Variants in TCF12 observed in about 807,000 individuals in gnomAD.
The protein encoded by TCF12 is DNA-binding protein HTF4.
A neutral mutation model predicts 86.0 loss-of-function variants in TCF12; 45 were observed. The observed-to-expected ratio is 0.52, with a 90% CI of 0.41 to 0.67. TCF12 has a LOEUF of 0.67. TCF12 is among the 30% of genes least tolerant of loss of function. The probability of loss-of-function intolerance (pLI) is 0.00; values close to 1 mark genes in which losing one functional copy is unlikely to be tolerated. For missense variants in TCF12, 881 were observed against 859.9 expected (o/e 1.02, Z -0.31); for synonymous variants, 330 against 299.6 (o/e 1.10, Z -1.05).
chr15:57,264,349 C>G (rs1380345948), intron 18 of TCF12, among the ~76,000 whole-genome samples: 3 of 150,668 alleles, frequency 2.0e-5, no homozygotes, highest in Non-Finnish European at 4.4e-5. Context: ...TACAGGCACC[C>G]CCCACCACTC....
intron 4 of TCF12, among the ~76,000 whole-genome samples, chr15:57,068,416 A>C (rs1425097788): frequency 2.6e-5 from 4 of 152,184 alleles, no homozygotes; most frequent in African/African-American, 9.6e-5. Context: ...AATAAATGAG[A>C]ATTATTTGCC....
At chr15:57,113,939 G>T (rs2050670814) in intron 5 of TCF12, among the ~76,000 whole-genome samples, 1 of 152,158 alleles carries the variant, frequency 6.6e-6, no homozygotes, top group South Asian at 2.1e-4. Flanking sequence ...CTGGGTGACA[G>T]AGTGAGACCC....
chr15:57,236,556 T>C (rs1164096985), intron 12 of TCF12, among the ~76,000 whole-genome samples: 2 of 152,192 alleles, frequency 1.3e-5, no homozygotes, highest in Non-Finnish European at 1.5e-5. Context: ...AAAAATTAAT[T>C]CTATTTCCCC....
chr15:57,071,252 G>GAAA (rs200706690), intron 4 of TCF12, among the ~76,000 whole-genome samples: 1 of 133,626 alleles, frequency 7.5e-6, no homozygotes. Context: ...ACAAAAAATA[G>GAAA]AAAAAAAAAA....
intron 5 of TCF12, among the ~76,000 whole-genome samples, chr15:57,131,903 G>A (rs1161129908): frequency 1.3e-5 from 2 of 152,130 alleles, no homozygotes; most frequent in Non-Finnish European, 2.9e-5. Flanking sequence ...TCTAAGATTT[G>A]GAAAAGAAGT....
intron 3 of TCF12, among the ~76,000 whole-genome samples, chr15:56,984,795 A>G (rs2063102208): frequency 6.6e-6 from 1 of 152,202 alleles, no homozygotes; most frequent in Admixed American, 6.5e-5. Flanking sequence ...TAAATTGGAG[A>G]AAGGCCAGAC....
chr15:57,233,505 A>G (rs1364146486), intron 11 of TCF12, among the ~76,000 whole-genome samples: 2 of 151,530 alleles, frequency 1.3e-5, no homozygotes, highest in Non-Finnish European at 2.9e-5. Context: ...TCATTTATGT[A>G]TTTATTTTTG....
At chr15:57,150,296 C>T (rs1484078851) in intron 5 of TCF12, among the ~76,000 whole-genome samples, 1 of 152,146 alleles carries the variant, frequency 6.6e-6, no homozygotes, top group Admixed American at 6.5e-5. Context: ...GAGGAAACAA[C>T]TTGAGACCAG....
rs535220167 is a variant in TCF12 at position 57,227,724 on chromosome 15, G to A, written c.580-3428G>A. Among the ~76,000 whole-genome samples the A allele has an allele frequency of 7.9e-5, 12 of 152,178 alleles. No homozygotes were observed. In the South Asian group the frequency reaches 2.3e-3, roughly 29 times the overall value. ...AAAATTTTTCTTAACACCATTCTTAGAGGGGAAAGTATAAGTGCTTGGGAA... is the reference window on the plus strand; with the variant it reads ...AAAATTTTTCTTAACACCATTCTTAAAGGGGAAAGTATAAGTGCTTGGGAA... On this transcript the variant is annotated intron_variant, in intron 8 of 20. Transcript: ENST00000333725.
chr15:57,033,693 A>G (rs1160731058), intron 3 of TCF12, among the ~76,000 whole-genome samples: 2 of 152,180 alleles, frequency 1.3e-5, no homozygotes, highest in Admixed American at 6.5e-5. Flanking sequence ...TTTTCTACGT[A>G]TAGAATTTTA....
At chr15:57,244,369 A>G (rs1162739607) in intron 13 of TCF12, among the ~76,000 whole-genome samples, 1 of 152,132 alleles carries the variant, frequency 6.6e-6, no homozygotes, top group Admixed American at 6.6e-5. Flanking sequence ...ATAGATAAAA[A>G]AATTCTTGGG....
At chr15:57,275,243 C>T (rs1347369077) in intron 19 of TCF12, among the ~76,000 whole-genome samples, 2 of 150,178 alleles carry the variant, frequency 1.3e-5, no homozygotes, top group Non-Finnish European at 3.0e-5. Context: ...TTCAGAAAAG[C>T]CTACTTCTCC....
chr15:57,169,184 T>G (rs1343544772), intron 6 of TCF12, among the ~76,000 whole-genome samples: 2 of 152,248 alleles, frequency 1.3e-5, no homozygotes, highest in Non-Finnish European at 2.9e-5. Flanking sequence ...ATCATTAAGC[T>G]AACTTGTCTG....
At chr15:57,136,731 A>C (rs546517517) in intron 5 of TCF12, among the ~76,000 whole-genome samples, 50 of 152,088 alleles carry the variant, frequency 3.3e-4, no homozygotes, top group Non-Finnish European at 5.7e-4. Context: ...GCTGGAGTGC[A>C]GTGTTGCTAT....
intron 3 of TCF12, among the ~76,000 whole-genome samples, chr15:56,972,384 G>A (rs563113467): frequency 1.3e-5 from 2 of 152,170 alleles, no homozygotes; most frequent in African/African-American, 4.8e-5. Flanking sequence ...CAACCTAGTT[G>A]TCAGTACATA....
At chr15:56,919,462 G>GC (rs1298772729) in intron 1 of TCF12, 1 of 154,434 alleles carries the variant, frequency 6.5e-6, no homozygotes, top group Non-Finnish European at 1.4e-5. Context: ...TTGTTGCCGA[G>GC]CGAGTGAGTC....
chr15:57,096,543 T>G (rs1388835830), intron 5 of TCF12, among the ~76,000 whole-genome samples: 5 of 152,138 alleles, frequency 3.3e-5, no homozygotes, highest in Admixed American at 2.6e-4. Context: ...AATGGTATAG[T>G]TTTTGCATAT....
intron 6 of TCF12, among the ~76,000 whole-genome samples, chr15:57,183,502 T>G (rs937269069): frequency 8.5e-5 from 13 of 152,186 alleles, no homozygotes; most frequent in Non-Finnish European, 1.0e-4. Context: ...CCAACATCCT[T>G]TCTTACCATA....
At chr15:57,266,700 C>A (rs1000632415) in intron 18 of TCF12, among the ~76,000 whole-genome samples, 9 of 152,144 alleles carry the variant, frequency 5.9e-5, no homozygotes, top group African/African-American at 1.9e-4. Flanking sequence ...CAAGTGATTT[C>A]TGGATTTTTC....
Sources: allele counts gnomAD v4.1 joint callset (sites outside exome capture counted in the v4.1 genomes callset), GRCh38; gene constraint gnomAD v4.1.1; transcripts MANE v1.5; gene names NCBI Gene and HGNC (gene_info 2026-07-23, HGNC 2026-07-21).